The following CDH1 variants were observed in gnomAD, a reference collection of about 807,000 sequenced individuals.
CDH1 encodes the protein cadherin-1.
A neutral mutation model predicts 84.5 loss-of-function variants in CDH1; 35 were observed. The observed-to-expected ratio is 0.41, with a 90% CI of 0.32 to 0.55. CDH1 has a LOEUF of 0.55. Among genes scored for constraint, CDH1 ranks in the 20% least tolerant of loss-of-function variants. The pLI is 0.19. For synonymous variants in CDH1, 417 were observed against 439.0 expected, an observed-to-expected ratio of 0.95 and a Z score of 0.63; for missense variants, 994 against 1,126.6, an observed-to-expected ratio of 0.88 and a Z score of 1.68.
chr16:68,797,897 G>A (rs935395122), intron 2 of CDH1, among the ~76,000 whole-genome samples: 1 of 151,984 alleles, frequency 6.6e-6, no homozygotes, highest in Non-Finnish European at 1.5e-5. Context: ...TGGCCAACAT[G>A]GTGAAACCTT....
chr16:68,756,549 G>A (rs1156789855), intron 2 of CDH1, among the ~76,000 whole-genome samples: 8 of 152,038 alleles, frequency 5.3e-5, no homozygotes, highest in Admixed American at 4.6e-4. Context: ...TGTTAGCTTC[G>A]TGCTAAAAGG....
Position 68,833,724 on chromosome 16 carries a change from A to G in CDH1, c.*225A>G, listed in dbSNP as rs1961558907. ...TTCTTAAAGCTTTTTTTTTTTTCCC[A>G]TCACTCTTTACATGGTGGTGATGTC... On this transcript the variant is annotated 3_prime_UTR_variant, in exon 16 of 16. Coordinates refer to ENST00000261769, the MANE Select transcript of CDH1 (RefSeq NM_004360.5). The G allele has an allele frequency of 5.5e-6, 3 of 545,478 alleles. No homozygotes were observed. Among genetic ancestry groups the G allele is most frequent in the Admixed American group, 3.1e-5 (1 of 31,880 alleles). 33.8% of individuals were successfully genotyped at this position (545,478 alleles called of 1,614,324 possible). A position where few individuals can be genotyped will look rare whatever the true frequency, so the allele number is the denominator to read the frequency against.
intron 2 of CDH1, among the ~76,000 whole-genome samples, chr16:68,745,605 ATGTG>A (rs1376535796): frequency 7.5e-6 from 1 of 132,540 alleles, no homozygotes; most frequent in African/African-American, 3.4e-5. Context: ...ATATATATGT[ATGTG>A]TATATATATA....
At chr16:68,770,106 A>G (rs1959518518) in intron 2 of CDH1, among the ~76,000 whole-genome samples, 7 of 150,806 alleles carry the variant, frequency 4.6e-5, no homozygotes, top group Non-Finnish European at 1.5e-5. Flanking sequence ...TTTCTTGGCT[A>G]CTATTATGTT....
At chr16:68,790,885 A>G (rs566219698) in intron 2 of CDH1, among the ~76,000 whole-genome samples, 25 of 152,270 alleles carry the variant, frequency 1.6e-4, no homozygotes, top group Admixed American at 3.3e-4. Flanking sequence ...CTGTTAATCA[A>G]TGGGCACACT....
At chr16:68,800,973 G>T (rs962153111) in intron 2 of CDH1, among the ~76,000 whole-genome samples, 17 of 152,180 alleles carry the variant, frequency 1.1e-4, no homozygotes, top group African/African-American at 4.1e-4. Flanking sequence ...TGTCCTCACA[G>T]TCCAACACAG....
At chr16:68,755,193 T>C (rs1962985720) in intron 2 of CDH1, among the ~76,000 whole-genome samples, 1 of 147,134 alleles carries the variant, frequency 6.8e-6, no homozygotes, top group Admixed American at 7.2e-5. Context: ...AGAGGATCAC[T>C]TGAGCCTGGG....
intron 2 of CDH1, among the ~76,000 whole-genome samples, chr16:68,745,549 A>AT (rs1285099283): frequency 0.016 from 1,212 of 75,144 alleles, 58 homozygotes; most frequent in African/African-American, 0.043. Context: ...AAAAAAAAAA[A>AT]ATATATATAT....
chr16:68,787,865 G>A (rs1960102865), intron 2 of CDH1, among the ~76,000 whole-genome samples: 6 of 129,820 alleles, frequency 4.6e-5, no homozygotes, highest in Non-Finnish European at 8.0e-5. Context: ...CACTCTTGTT[G>A]CCCAGGCTGG....
chr16:68,805,376 C>G (rs1173854115), intron 3 of CDH1, among the ~76,000 whole-genome samples: 1 of 152,118 alleles, frequency 6.6e-6, no homozygotes, highest in Non-Finnish European at 1.5e-5. Context: ...AGGCATGACT[C>G]CCTTTCATTT....
intron 2 of CDH1, among the ~76,000 whole-genome samples, chr16:68,759,438 G>A (rs992180831): frequency 1.3e-5 from 2 of 150,188 alleles, no homozygotes; most frequent in African/African-American, 4.9e-5. Context: ...TTTAATCCTT[G>A]CATCAACTTT....
intron 2 of CDH1, among the ~76,000 whole-genome samples, chr16:68,769,645 T>G (rs777711671): frequency 2.0e-5 from 3 of 151,286 alleles, no homozygotes; most frequent in Non-Finnish European, 4.4e-5. Context: ...ATTTTATCCA[T>G]GGCTGGGAGT....
chr16:68,804,431 AC>A (rs1483608704), intron 3 of CDH1, among the ~76,000 whole-genome samples: 1 of 151,798 alleles, frequency 6.6e-6, no homozygotes, highest in Non-Finnish European at 1.5e-5. Context: ...CTTTTAAGAA[AC>A]CTTTGTGGAA....
intron 12 of CDH1, chr16:68,822,637 C>A: frequency 2.4e-6 from 1 of 412,484 alleles, no homozygotes; most frequent in Non-Finnish European, 4.7e-6. Context: ...CAGCTGTCAA[C>A]TGCCTGGTCA....
At chr16:68,824,154 C>T (rs943316406) in intron 13 of CDH1, among the ~76,000 whole-genome samples, 39 of 152,134 alleles carry the variant, frequency 2.6e-4, no homozygotes, top group African/African-American at 8.0e-4. Context: ...TGTGCCACCA[C>T]GCCCAGCTAA....
chr16:68,754,906 A>G (rs145914024), intron 2 of CDH1, among the ~76,000 whole-genome samples: 5 of 152,234 alleles, frequency 3.3e-5, no homozygotes, highest in African/African-American at 1.2e-4. Context: ...AAAACTATGC[A>G]TTGGGGTGGA....
chr16:68,811,943 C>A, intron 7 of CDH1, 84 bp downstream of exon 7: 1 of 1,517,862 alleles, frequency 6.6e-7, no homozygotes, highest in Non-Finnish European at 9.1e-7. Flanking sequence ...TCCTGCTAGG[C>A]CAGTTGTCAG....
chr16:68,802,249 G>A (rs1226205590), intron 3 of CDH1, among the ~76,000 whole-genome samples: 1 of 152,218 alleles, frequency 6.6e-6, no homozygotes, highest in African/African-American at 2.4e-5. Flanking sequence ...CACCGTCTGG[G>A]ACTGAATCTC....
intron 2 of CDH1, among the ~76,000 whole-genome samples, chr16:68,786,797 G>T (rs1372466757): frequency 6.6e-6 from 1 of 152,142 alleles, no homozygotes; most frequent in Non-Finnish European, 1.5e-5. Flanking sequence ...AGCACTTGTT[G>T]TACAGTCATC....
Sources: gnomAD v4.1 joint callset for allele counts (sites outside exome capture counted in the v4.1 genomes callset) on GRCh38, gnomAD v4.1.1 for gene constraint, MANE v1.5 for transcripts, NCBI Gene and HGNC (gene_info 2026-07-23, HGNC 2026-07-21) for gene names.